ASPRV1: variants seen among roughly 807,000 people sequenced by gnomAD.
ASPRV1 encodes aspartic peptidase retroviral like 1, also known as retroviral-like aspartic protease 1.
ASPRV1 carries 7 observed loss-of-function variants against 11.0 expected under a neutral mutation model. The observed-to-expected ratio is 0.64, with a 90% CI of 0.36 to 1.20. The LOEUF (loss-of-function observed/expected upper bound fraction) is 1.20. Ranked by LOEUF, ASPRV1 falls within the 50% of genes most tolerant of loss-of-function variation. The pLI is 0.02. For missense variants in ASPRV1, 299 were observed against 320.0 expected, an observed-to-expected ratio of 0.93 and a Z score of 0.50; for synonymous variants, 136 against 138.4, an observed-to-expected ratio of 0.98 and a Z score of 0.12.
the ASPRV1 span, among the ~76,000 whole-genome samples, chr2:70,010,376 T>TG: frequency 1.3e-5 from 2 of 151,994 alleles, no homozygotes; most frequent in Admixed American, 6.6e-5. Flanking sequence ...GATTCACAGT[T>TG]GGATAGATAG....
At chr2:70,059,895 C>G in the ASPRV1 span, 2 of 152,228 alleles carry the variant, frequency 1.3e-5, no homozygotes, top group African/African-American at 2.4e-5. Context: ...CACTCGCCCA[C>G]CACTCACTCA....
the ASPRV1 span, among the ~76,000 whole-genome samples, chr2:69,948,083 C>CAAAAA: frequency 5.1e-5 from 7 of 137,946 alleles, no homozygotes; most frequent in South Asian, 2.3e-4. Context: ...CCCCGTCTCT[C>CAAAAA]AAAAAAAAAA....
the ASPRV1 span, among the ~76,000 whole-genome samples, chr2:69,983,104 A>G: frequency 1.3e-5 from 2 of 152,124 alleles, no homozygotes; most frequent in Non-Finnish European, 2.9e-5. Context: ...TCTTTAGTAG[A>G]GACAGGGTTT....
chr2:70,082,650 T>C, the ASPRV1 span, among the ~76,000 whole-genome samples: 3 of 152,236 alleles, frequency 2.0e-5, no homozygotes, highest in East Asian at 5.8e-4. Context: ...GCAGTGGTTG[T>C]GGTGAGCCAG....
chr2:70,043,157 A>C, the ASPRV1 span, among the ~76,000 whole-genome samples: 1 of 152,136 alleles, frequency 6.6e-6, no homozygotes, highest in Non-Finnish European at 1.5e-5. Context: ...TCAGGCCAAA[A>C]AAGCTGTATG....
At chr2:70,065,236 G>A in the ASPRV1 span, among the ~76,000 whole-genome samples, 7 of 151,290 alleles carry the variant, frequency 4.6e-5, no homozygotes, top group African/African-American at 1.2e-4. Context: ...GTGAAATCCC[G>A]TCTCTACTAA....
At chr2:69,986,922 T>C in the ASPRV1 span, among the ~76,000 whole-genome samples, 1 of 152,162 alleles carries the variant, frequency 6.6e-6, no homozygotes, top group Non-Finnish European at 1.5e-5. Flanking sequence ...ACACATACTA[T>C]GCAATGCTGT....
chr2:69,944,474 G>T, the ASPRV1 span, among the ~76,000 whole-genome samples: 4 of 152,190 alleles, frequency 2.6e-5, no homozygotes, highest in South Asian at 8.3e-4. Context: ...AACTTCACAG[G>T]TAAGGAAGCT....
At position 69,960,653 on chromosome 2, in the gene ASPRV1, C is replaced by T. The variant is rs1678057845; in HGVS notation, c.*4G>A. Reference sequence around the variant, plus strand: ...ATTTAGGAGGTTAAAGAAAAGGTGGCTTCTCAGTGGGATAGCTCCTGCCGC... The same window carrying T: ...ATTTAGGAGGTTAAAGAAAAGGTGGTTTCTCAGTGGGATAGCTCCTGCCGC... On this transcript the variant is annotated 3_prime_UTR_variant, in exon 1 of 1. Transcript: ENST00000320256. The T allele has an allele frequency of 3.1e-6, 5 of 1,604,376 alleles. No individual in the cohort carries two copies. In the South Asian group the frequency reaches 3.3e-5, roughly 11 times the overall value.
the ASPRV1 span, chr2:69,994,355 A>G: frequency 6.6e-6 from 1 of 152,382 alleles, no homozygotes; most frequent in South Asian, 2.1e-4. Context: ...AGTGTGTTCT[A>G]TAGACTTCAA....
the ASPRV1 span, among the ~76,000 whole-genome samples, chr2:70,043,725 G>A: frequency 6.6e-6 from 1 of 152,248 alleles, no homozygotes; most frequent in Admixed American, 6.5e-5. Flanking sequence ...CTTGGAAGCT[G>A]TGCCTCCCCC....
the ASPRV1 span, among the ~76,000 whole-genome samples, chr2:69,967,794 A>G: frequency 6.6e-6 from 1 of 152,190 alleles, no homozygotes; most frequent in South Asian, 2.1e-4. Flanking sequence ...AATTATTTCC[A>G]AATAGGCCAG....
At chr2:70,084,887 T>C in the ASPRV1 span, among the ~76,000 whole-genome samples, 1 of 152,054 alleles carries the variant, frequency 6.6e-6, no homozygotes, top group Non-Finnish European at 1.5e-5. Flanking sequence ...GTTCGTAGAG[T>C]TATATAAACT....
chr2:69,982,404 T>G, the ASPRV1 span, among the ~76,000 whole-genome samples: 1 of 152,214 alleles, frequency 6.6e-6, no homozygotes. Flanking sequence ...TGGAATGAGC[T>G]GTGATCCTGC....
At chr2:69,941,630 C>T in the ASPRV1 span, 1 of 152,100 alleles carries the variant, frequency 6.6e-6, no homozygotes, top group Non-Finnish European at 1.5e-5. Context: ...TTTTCAAAAG[C>T]AACAAAGGGG....
chr2:70,041,656 A>T, the ASPRV1 span, among the ~76,000 whole-genome samples: 29 of 152,350 alleles, frequency 1.9e-4, no homozygotes, highest in African/African-American at 6.7e-4. Context: ...AGATGAATAT[A>T]GTCCCAGAGT....
At chr2:70,055,339 TTA>T in the ASPRV1 span, among the ~76,000 whole-genome samples, 2 of 151,980 alleles carry the variant, frequency 1.3e-5, no homozygotes, top group African/African-American at 4.8e-5. Context: ...ACACGTATGT[TTA>T]TTACAGCACT....
the ASPRV1 span, among the ~76,000 whole-genome samples, chr2:70,051,922 A>G: frequency 9.1e-4 from 138 of 152,120 alleles, no homozygotes; most frequent in African/African-American, 3.2e-3. Context: ...TTGCAGTGAG[A>G]CGAGATCATG....
At chr2:70,063,357 C>G in the ASPRV1 span, among the ~76,000 whole-genome samples, 1 of 152,178 alleles carries the variant, frequency 6.6e-6, no homozygotes, top group Non-Finnish European at 1.5e-5. Context: ...TTTTGCTATG[C>G]CTCACTGACA....
Sources: allele counts gnomAD v4.1 joint callset (sites outside exome capture counted in the v4.1 genomes callset), GRCh38; gene constraint gnomAD v4.1.1; transcripts MANE v1.5; gene names NCBI Gene and HGNC (gene_info 2026-07-23, HGNC 2026-07-21).